The following PRKAG2 variants were observed in gnomAD, a reference collection of about 807,000 sequenced individuals.
PRKAG2 encodes the protein protein kinase AMP-activated non-catalytic subunit gamma 2.
A neutral mutation model predicts 69.6 loss-of-function variants in PRKAG2; 26 were observed. The observed-to-expected ratio is 0.37, with a 90% confidence interval of 0.27 to 0.52. The LOEUF is 0.52. PRKAG2 is among the 20% of genes least tolerant of loss of function. The pLI is 0.90. For missense variants in PRKAG2, 557 were observed against 740.0 expected, an observed-to-expected ratio of 0.75 and a Z score of 2.87; for synonymous variants, 293 against 285.0, an observed-to-expected ratio of 1.03 and a Z score of -0.28.
chr7:151,632,859 CGA>C lies in PRKAG2; in HGVS notation c.685-723_685-722del. 6.6e-6 allele frequency: 1 copy of C among 152,538 alleles called. No individual in the cohort carries two copies. Among genetic ancestry groups the C allele is most frequent in the East Asian group, 1.9e-4 (1 of 5,164 alleles). 9.4% of individuals were successfully genotyped at this position (152,538 alleles called of 1,614,324 possible). A position where few individuals can be genotyped will look rare whatever the true frequency, so the allele number is the denominator to read the frequency against. On this transcript the variant is annotated intron_variant, in intron 4 of 15. Coordinates refer to ENST00000287878, the MANE Select transcript of PRKAG2 (RefSeq NM_016203.4). The surrounding 1 kb of genome is among the most constrained non-coding windows in gnomAD (Gnocchi z 4.2). Reference sequence around the variant, plus strand: ...TTAATTCGCGTCCTCTCTTCGCAGCCGAGTGTCTTCTCGGTTGGGGAGCCGCT... The same window carrying C: ...TTAATTCGCGTCCTCTCTTCGCAGCCGTGTCTTCTCGGTTGGGGAGCCGCT...
At chr7:151,655,338 G>A (rs1489871017) in intron 4 of PRKAG2, among the ~76,000 whole-genome samples, 4 of 152,046 alleles carry the variant, frequency 2.6e-5, no homozygotes, top group Non-Finnish European at 5.9e-5. Context: ...CCTAAGAATC[G>A]TGAGCCCTCC....
chr7:151,835,172 G>A lies in PRKAG2; in HGVS notation c.114+41335C>T, dbSNP rs1201318303. On this transcript the variant is annotated intron_variant, in intron 1 of 15. Coordinates refer to ENST00000287878, the MANE Select transcript of PRKAG2 (RefSeq NM_016203.4). This position sits in a 1 kb window ranked among gnomAD's most constrained non-coding sequence, Gnocchi z 4.1. Reference sequence around the variant, plus strand: ...GTTAGGATTTGGACACATCTTTTAGGAGACACACAATTCAACTCATAACAG... The same window carrying A: ...GTTAGGATTTGGACACATCTTTTAGAAGACACACAATTCAACTCATAACAG... 1.3e-5 allele frequency among the ~76,000 whole-genome samples: 2 copies of A among 152,112 alleles called. No homozygotes were observed. The highest frequency in any genetic ancestry group is 1.3e-4 in the Admixed American group (2 of 15,268).
chr7:151,649,220 G>T (rs138373394), intron 4 of PRKAG2, among the ~76,000 whole-genome samples: 12 of 152,214 alleles, frequency 7.9e-5, no homozygotes, highest in African/African-American at 2.9e-4. Flanking sequence ...CCACCTCCCA[G>T]GTTCAAACGA....
intron 3 of PRKAG2, among the ~76,000 whole-genome samples, chr7:151,690,877 G>A (rs1835553950): frequency 1.3e-5 from 2 of 152,226 alleles, no homozygotes; most frequent in South Asian, 4.1e-4. Flanking sequence ...CTTCCACTAA[G>A]CGTGAATGGC....
At chr7:151,779,024 T>TC (rs1035617682) in intron 3 of PRKAG2, among the ~76,000 whole-genome samples, 1 of 152,178 alleles carries the variant, frequency 6.6e-6, no homozygotes, top group Non-Finnish European at 1.5e-5. Context: ...TATGCTTTCT[T>TC]CCCCCATAAA....
chr7:151,725,884 C>T (rs1563531205), intron 3 of PRKAG2, among the ~76,000 whole-genome samples: 1 of 152,184 alleles, frequency 6.6e-6, no homozygotes, highest in East Asian at 1.9e-4. Flanking sequence ...GCAGGTTGGG[C>T]CCTCCCCCAC....
At chr7:151,727,165 A>C (rs751707055) in intron 3 of PRKAG2, among the ~76,000 whole-genome samples, 10 of 152,126 alleles carry the variant, frequency 6.6e-5, no homozygotes, top group Non-Finnish European at 1.3e-4. Context: ...CAGTGAGCCA[A>C]GATTGCGTCA....
intron 3 of PRKAG2, among the ~76,000 whole-genome samples, chr7:151,678,650 C>T (rs1236458182): frequency 6.6e-6 from 1 of 152,100 alleles, no homozygotes; most frequent in East Asian, 1.9e-4. Context: ...GCCCTCACAA[C>T]AAAGTCCCAA....
chr7:151,795,888 T>A (rs903049554), intron 1 of PRKAG2, among the ~76,000 whole-genome samples: 3 of 105,502 alleles, frequency 2.8e-5, no homozygotes, highest in African/African-American at 1.2e-4. Flanking sequence ...TATATATATA[T>A]ATCACGATAA....
intron 1 of PRKAG2, among the ~76,000 whole-genome samples, chr7:151,825,519 A>C (rs1327206506): frequency 6.6e-6 from 1 of 152,224 alleles, no homozygotes; most frequent in African/African-American, 2.4e-5. Flanking sequence ...TTTAACATGC[A>C]CTGGCCGCTC....
In PRKAG2 at chr7:151,558,346, T is replaced by TAAC. The variant is rs1477621094; in HGVS notation, c.1679-1117_1679-1115dup. ...ACTGACTATTCCATGGACAACCACCTAACAGTGCAGGTCCCGGGCACTGCG... is the reference window on the plus strand; with the variant it reads ...ACTGACTATTCCATGGACAACCACCTAACAACAGTGCAGGTCCCGGGCACTGCG... On this transcript the variant is annotated intron_variant, in intron 15 of 15. Coordinates refer to ENST00000287878, the MANE Select transcript of PRKAG2 (RefSeq NM_016203.4). 3.0e-6 allele frequency: 3 copies of TAAC among 985,324 alleles called. No individual in the cohort carries two copies. The African/African-American group carries it at 5.2e-5, about 17-fold the overall frequency. The allele number at this position is 985,324 out of a possible 1,614,324, so 61.0% of individuals were successfully genotyped here.
At chr7:151,754,985 G>A (rs1282170811) in intron 3 of PRKAG2, among the ~76,000 whole-genome samples, 1 of 152,152 alleles carries the variant, frequency 6.6e-6, no homozygotes, top group East Asian at 1.9e-4. Context: ...AAATGAGCAT[G>A]TTGGATGTAC....
chr7:151,686,121 C>A (rs369981505), intron 3 of PRKAG2, among the ~76,000 whole-genome samples: 2 of 152,044 alleles, frequency 1.3e-5, no homozygotes, highest in Non-Finnish European at 2.9e-5. Flanking sequence ...GGCTTCAGTT[C>A]TCAAACCTGG....
At chr7:151,678,748 T>C (rs1023254623) in intron 3 of PRKAG2, among the ~76,000 whole-genome samples, 2 of 152,082 alleles carry the variant, frequency 1.3e-5, no homozygotes, top group African/African-American at 4.8e-5. Flanking sequence ...CACCTGAGGT[T>C]AGGAGTTCAA....
intron 3 of PRKAG2, among the ~76,000 whole-genome samples, chr7:151,692,737 C>T (rs1835880874): frequency 6.6e-6 from 1 of 152,180 alleles, no homozygotes; most frequent in African/African-American, 2.4e-5. Flanking sequence ...ATGGAGACGC[C>T]TCAGCATGAT....
intron 14 of PRKAG2, among the ~76,000 whole-genome samples, chr7:151,561,053 G>T (rs116172178): frequency 3.3e-4 from 51 of 152,256 alleles, no homozygotes; most frequent in African/African-American, 1.2e-3. Context: ...GACCTACTCC[G>T]TATTAAAAAG....
At chr7:151,702,393 G>A (rs571917363) in intron 3 of PRKAG2, among the ~76,000 whole-genome samples, 5 of 152,268 alleles carry the variant, frequency 3.3e-5, no homozygotes, top group Admixed American at 1.3e-4. Context: ...CATTCAGGCC[G>A]GAGCTTTCGT....
At chr7:151,846,954 T>C (rs1294552375) in intron 1 of PRKAG2, among the ~76,000 whole-genome samples, 1 of 152,238 alleles carries the variant, frequency 6.6e-6, no homozygotes, top group Non-Finnish European at 1.5e-5. Context: ...ATGTGAGTCC[T>C]CATCTGCTTC....
At chr7:151,683,800 C>T (rs1834247589) in intron 3 of PRKAG2, among the ~76,000 whole-genome samples, 1 of 152,146 alleles carries the variant, frequency 6.6e-6, no homozygotes, top group South Asian at 2.1e-4. Flanking sequence ...CAGAGGGATG[C>T]AACCAGCAGG....
Sources: gnomAD v4.1 joint callset for allele counts (sites outside exome capture counted in the v4.1 genomes callset) on GRCh38, gnomAD v4.1.1 for gene constraint, Gnocchi (gnomAD v3.1) non-coding constraint, MANE v1.5 for transcripts, NCBI Gene and HGNC (gene_info 2026-07-23, HGNC 2026-07-21) for gene names.